Variants in MCF2L2 observed in about 807,000 individuals in gnomAD.
The protein encoded by MCF2L2 is MCF.2 cell line derived transforming sequence-like 2.
MCF2L2 carries 102 observed loss-of-function variants against 150.2 expected under a neutral mutation model. The observed-to-expected ratio is 0.68, with a 90% CI of 0.58 to 0.80. MCF2L2 has a LOEUF of 0.80. Among genes scored for constraint, MCF2L2 ranks in the 30% least tolerant of loss-of-function variants. The pLI is 0.00. For missense variants in MCF2L2, 1,256 were observed against 1,372.8 expected (o/e 0.91, Z 1.34); for synonymous variants, 465 against 491.3 (o/e 0.95, Z 0.71).
chr3:183,399,226 T>G (rs1714618101), intron 1 of MCF2L2, among the ~76,000 whole-genome samples: 1 of 152,202 alleles, frequency 6.6e-6, no homozygotes, highest in Admixed American at 6.6e-5. Context: ...AAGTATATGG[T>G]ATATAACTAT....
At chr3:183,238,863 G>C (rs1464955878) in intron 15 of MCF2L2, among the ~76,000 whole-genome samples, 1 of 151,564 alleles carries the variant, frequency 6.6e-6, no homozygotes, top group Non-Finnish European at 1.5e-5. Context: ...CAGGCGTGGT[G>C]GTGGGTGCCT....
intron 2 of MCF2L2, among the ~76,000 whole-genome samples, chr3:183,381,354 G>A (rs567334555): frequency 6.6e-6 from 1 of 152,254 alleles, no homozygotes; most frequent in East Asian, 1.9e-4. Flanking sequence ...CTATTCTAAG[G>A]AGAGAGGGCC....
At chr3:183,279,831 C>G (rs1456482274) in intron 14 of MCF2L2, among the ~76,000 whole-genome samples, 1 of 152,182 alleles carries the variant, frequency 6.6e-6, no homozygotes. Context: ...GAGTTCAAGA[C>G]CAGCCTGACC....
At chr3:183,186,620 G>A (rs758032819) in intron 27 of MCF2L2, among the ~76,000 whole-genome samples, 1 of 152,188 alleles carries the variant, frequency 6.6e-6, no homozygotes, top group Non-Finnish European at 1.5e-5. Flanking sequence ...CCAGCTACTC[G>A]GGAGACTGAA....
intron 5 of MCF2L2, among the ~76,000 whole-genome samples, chr3:183,324,074 G>A (rs1009447913): frequency 2.6e-5 from 4 of 152,172 alleles, no homozygotes; most frequent in South Asian, 2.1e-4. Context: ...AAAGCTGGTC[G>A]GGTAAATGTG....
intron 26 of MCF2L2, among the ~76,000 whole-genome samples, chr3:183,193,353 C>CTTTTTT (rs1270176096): frequency 1.8e-5 from 2 of 109,356 alleles, no homozygotes; most frequent in Admixed American, 8.9e-5. Flanking sequence ...TTTTCTTTTT[C>CTTTTTT]TTTCTTTTTT....
chr3:183,284,219 T>C (rs1727664605), intron 14 of MCF2L2, among the ~76,000 whole-genome samples: 1 of 152,174 alleles, frequency 6.6e-6, no homozygotes, highest in South Asian at 2.1e-4. Context: ...TACATTCTCA[T>C]AGATTAATGT....
intron 27 of MCF2L2, among the ~76,000 whole-genome samples, chr3:183,191,362 G>A (rs1307891874): frequency 6.6e-6 from 1 of 152,164 alleles, no homozygotes; most frequent in Non-Finnish European, 1.5e-5. Flanking sequence ...AAAGTCTGTA[G>A]CTCACATCAT....
chr3:183,390,344 C>T (rs1197934362), intron 1 of MCF2L2, among the ~76,000 whole-genome samples: 2 of 152,066 alleles, frequency 1.3e-5, no homozygotes, highest in African/African-American at 4.8e-5. Context: ...TATAAGAAGG[C>T]ACTTTTTCAT....
intron 11 of MCF2L2, chr3:183,297,759 T>G (rs1728611385): frequency 6.5e-6 from 1 of 153,982 alleles, no homozygotes; most frequent in East Asian, 1.9e-4. Context: ...ACTCCTGGGC[T>G]CAAGCAATCC....
intron 20 of MCF2L2, among the ~76,000 whole-genome samples, chr3:183,221,445 G>C (rs1160099208): frequency 6.6e-6 from 1 of 152,160 alleles, no homozygotes; most frequent in African/African-American, 2.4e-5. Flanking sequence ...ACGCAGCCTG[G>C]AAGGGTCAGA....
intron 5 of MCF2L2, among the ~76,000 whole-genome samples, chr3:183,326,410 G>A (rs1730028955): frequency 6.9e-6 from 1 of 145,136 alleles, no homozygotes; most frequent in Admixed American, 7.3e-5. Flanking sequence ...AAGAATCGCT[G>A]GAATTCAGGA....
chr3:183,260,236 T>C (rs1725460604), intron 15 of MCF2L2, among the ~76,000 whole-genome samples: 1 of 152,164 alleles, frequency 6.6e-6, no homozygotes, highest in Non-Finnish European at 1.5e-5. Flanking sequence ...AAGGTTGTTG[T>C]AAGGCTTAAA....
chr3:183,262,843 T>C (rs1725746299), intron 15 of MCF2L2, among the ~76,000 whole-genome samples: 2 of 152,068 alleles, frequency 1.3e-5, no homozygotes, highest in African/African-American at 2.4e-5. Flanking sequence ...AGCTAGATAG[T>C]GCCATTTGTG....
intron 15 of MCF2L2, among the ~76,000 whole-genome samples, chr3:183,251,825 C>T (rs892821129): frequency 1.3e-5 from 2 of 151,778 alleles, no homozygotes; most frequent in Non-Finnish European, 2.9e-5. Context: ...CCTGTCCTCT[C>T]GCATGTGTGA....
Position 183,386,440 on chromosome 3 carries a change from A to G in MCF2L2, c.160+3256T>C, listed in dbSNP as rs115001089. ...AGAGGCCGCAAACCATCGGGCCACA[A>G]ATCTGGGTCAGGCTTCATGTAATGA... On this transcript the variant is annotated intron_variant, in intron 2 of 29. Coordinates refer to ENST00000328913, the MANE Select transcript of MCF2L2 (RefSeq NM_015078.4). 8.5e-3 allele frequency among the ~76,000 whole-genome samples: 1,291 copies of G among 152,360 alleles called. 10 individuals carry two copies. Among genetic ancestry groups the G allele is most frequent in the African/African-American group, 0.03 (1,236 of 41,590 alleles).
At chr3:183,336,799 T>C (rs949529193) in intron 5 of MCF2L2, among the ~76,000 whole-genome samples, 1 of 151,224 alleles carries the variant, frequency 6.6e-6, no homozygotes, top group African/African-American at 2.4e-5. Flanking sequence ...GAGGTTGCAG[T>C]GAGCCAAGAT....
chr3:183,400,604 G>A (rs761559731), intron 1 of MCF2L2: 2 of 377,244 alleles, frequency 5.3e-6, no homozygotes, highest in African/African-American at 4.2e-5. Flanking sequence ...AAGTTCACTC[G>A]AGGTCATTTC....
At chr3:183,341,751 G>A in intron 3 of MCF2L2, 121 bp from the exon 4 acceptor site, 1 of 664,070 alleles carries the variant, frequency 1.5e-6, no homozygotes, top group Non-Finnish European at 2.7e-6. Context: ...TAAACACCCT[G>A]CACAGCACAA....
Sources: allele counts gnomAD v4.1 joint callset (sites outside exome capture counted in the v4.1 genomes callset), GRCh38; gene constraint gnomAD v4.1.1; transcripts MANE v1.5; gene names NCBI Gene and HGNC (gene_info 2026-07-23, HGNC 2026-07-21).